NLGN4Y: variants seen among roughly 807,000 people sequenced by gnomAD.
NLGN4Y encodes neuroligin-4, Y-linked.
Under a neutral mutation model 8.4 loss-of-function variants are expected in NLGN4Y, and 4 were observed. That is an observed-to-expected ratio of 0.48 (90% CI 0.23 to 1.09). The LOEUF (loss-of-function observed/expected upper bound fraction) is 1.09, where lower values mean the gene tolerates loss of function less well. Among genes scored for constraint, NLGN4Y ranks in the 50% least tolerant of loss-of-function variants. NLGN4Y has a pLI of 0.19. For synonymous variants in NLGN4Y, 35 were observed against 75.6 expected, an observed-to-expected ratio of 0.46 and a Z score of 2.78; for missense variants, 90 against 192.3, an observed-to-expected ratio of 0.47 and a Z score of 3.15.
intron 6 of NLGN4Y, among the ~76,000 whole-genome samples, chrY:14,839,560 G>A: frequency 3.1e-5 from 1 of 32,740 alleles, no homozygotes; most frequent in African/African-American, 1.2e-4. Flanking sequence ...GTTAACCTTG[G>A]CGTAAATATA....
chrY:14,671,210 T>A (rs759318987), intron 2 of NLGN4Y, among the ~76,000 whole-genome samples: 1 of 33,396 alleles, frequency 3.0e-5, no homozygotes, highest in South Asian at 6.7e-4. Flanking sequence ...GATGAGAAAG[T>A]ATTTGCCCAA....
chrY:14,753,526 T>A, intron 4 of NLGN4Y, among the ~76,000 whole-genome samples: 1 of 30,536 alleles, frequency 3.3e-5, no homozygotes, highest in Non-Finnish European at 7.8e-5. Flanking sequence ...ATAATATATT[T>A]TATATATATA....
chrY:14,821,671 A>G (rs2043124154), intron 4 of NLGN4Y, among the ~76,000 whole-genome samples: 1 of 33,445 alleles, frequency 3.0e-5, no homozygotes, highest in Non-Finnish European at 7.4e-5. Context: ...GTGCTTTACA[A>G]TTCTCTTGTA....
At chrY:14,548,139 T>A in intron 1 of NLGN4Y, among the ~76,000 whole-genome samples, 2 of 33,170 alleles carry the variant, frequency 6.0e-5, no homozygotes, top group South Asian at 6.8e-4. Flanking sequence ...GCATTTTTTT[T>A]AACCTGAAAT....
At chrY:14,778,620 A>G in intron 4 of NLGN4Y, among the ~76,000 whole-genome samples, 1 of 33,950 alleles carries the variant, frequency 2.9e-5, no homozygotes, top group African/African-American at 1.1e-4. Flanking sequence ...ATTAGAAGAG[A>G]AGGCTCTCAA....
intron 1 of NLGN4Y, among the ~76,000 whole-genome samples, chrY:14,575,269 T>G: frequency 3.0e-5 from 1 of 33,555 alleles, no homozygotes; most frequent in Admixed American, 2.7e-4. Context: ...TCCATATTTC[T>G]TGGAGGCTTT....
intron 2 of NLGN4Y, among the ~76,000 whole-genome samples, chrY:14,695,805 A>T: frequency 3.0e-5 from 1 of 33,016 alleles, no homozygotes; most frequent in Non-Finnish European, 7.5e-5. Flanking sequence ...GGCATGTCTG[A>T]ACTGGATTTA....
intron 4 of NLGN4Y, among the ~76,000 whole-genome samples, chrY:14,792,851 A>AGAGAGT (rs2042991366): frequency 1.1e-4 from 1 of 9,098 alleles, no homozygotes; most frequent in African/African-American, 5.6e-4. Flanking sequence ...AGAGAGAGAG[A>AGAGAGT]GTGTGTGTGT....
chrY:14,741,265 G>A (rs2081005373), intron 4 of NLGN4Y, among the ~76,000 whole-genome samples: 1 of 33,735 alleles, frequency 3.0e-5, no homozygotes, highest in South Asian at 6.4e-4. Flanking sequence ...AGGCAGTTGG[G>A]CAGCAGTAGA....
chrY:14,603,855 T>G, intron 1 of NLGN4Y, among the ~76,000 whole-genome samples: 1 of 33,632 alleles, frequency 3.0e-5, no homozygotes, highest in Non-Finnish European at 7.4e-5. Flanking sequence ...GCTTTAGTTA[T>G]GCAGATGATG....
intron 4 of NLGN4Y, chrY:14,798,502 C>T: frequency 3.0e-5 from 1 of 33,439 alleles, no homozygotes; most frequent in Non-Finnish European, 7.4e-5. Flanking sequence ...TCTCTCTGTT[C>T]TAAGATTTAT....
chrY:14,733,849 C>T, intron 4 of NLGN4Y, among the ~76,000 whole-genome samples: 1 of 32,967 alleles, frequency 3.0e-5, no homozygotes, highest in Non-Finnish European at 7.5e-5. Context: ...GAAGAAGGAA[C>T]TCCATATCAC....
chrY:14,575,413 T>C, intron 1 of NLGN4Y, among the ~76,000 whole-genome samples: 1 of 33,759 alleles, frequency 3.0e-5, no homozygotes, highest in Non-Finnish European at 7.4e-5. Context: ...TGTCATGTAG[T>C]TCTTGTACTG....
At chrY:14,590,107 C>G (rs2080362838) in intron 1 of NLGN4Y, among the ~76,000 whole-genome samples, 1 of 34,464 alleles carries the variant, frequency 2.9e-5, no homozygotes, top group Non-Finnish European at 7.3e-5. Context: ...CACGCCCACC[C>G]GGAACTCCAG....
At chrY:14,689,989 T>G (rs925216685) in intron 2 of NLGN4Y, among the ~76,000 whole-genome samples, 1 of 33,384 alleles carries the variant, frequency 3.0e-5, no homozygotes, top group Non-Finnish European at 7.4e-5. Context: ...AAGACTGGAT[T>G]AGAACTGAAG....
intron 2 of NLGN4Y, among the ~76,000 whole-genome samples, chrY:14,683,861 A>T: frequency 3.0e-5 from 1 of 33,805 alleles, no homozygotes; most frequent in African/African-American, 1.1e-4. Flanking sequence ...ATGGATTTGC[A>T]GTTGTTGCCA....
intron 4 of NLGN4Y, among the ~76,000 whole-genome samples, chrY:14,809,335 C>T (rs999234055): frequency 3.1e-5 from 1 of 32,482 alleles, no homozygotes; most frequent in Non-Finnish European, 7.5e-5. Flanking sequence ...TTAGCCCACA[C>T]GTGGTGGCAC....
intron 2 of NLGN4Y, among the ~76,000 whole-genome samples, chrY:14,689,597 T>C (rs966537019): frequency 6.1e-5 from 2 of 32,845 alleles, no homozygotes; most frequent in African/African-American, 1.2e-4. Context: ...AAGATGGGAA[T>C]GTTATTGTCA....
intron 2 of NLGN4Y, among the ~76,000 whole-genome samples, chrY:14,662,572 G>A (rs970933618): frequency 6.0e-5 from 2 of 33,149 alleles, no homozygotes; most frequent in African/African-American, 1.2e-4. Flanking sequence ...TCACATGGTA[G>A]AAGGGGCAAA....
Sources: allele counts gnomAD v4.1 joint callset (sites outside exome capture counted in the v4.1 genomes callset), GRCh38; gene constraint gnomAD v4.1.1; transcripts MANE v1.5; gene names NCBI Gene and HGNC (gene_info 2026-07-23, HGNC 2026-07-21).